Variants in PAK1 observed in about 807,000 individuals in gnomAD.
PAK1 encodes serine/threonine-protein kinase PAK 1.
PAK1 carries 29 observed loss-of-function variants against 67.4 expected under a neutral mutation model. That is an observed-to-expected ratio of 0.43 (90% CI 0.32 to 0.59). The LOEUF is 0.59. Among genes scored for constraint, PAK1 ranks in the 20% least tolerant of loss-of-function variants. The pLI is 0.07. For missense variants in PAK1, 337 were observed against 670.7 expected, an observed-to-expected ratio of 0.50 and a Z score of 5.50; for synonymous variants, 223 against 237.4, an observed-to-expected ratio of 0.94 and a Z score of 0.56.
At chr11:77,470,565 A>C (rs1957804348) in intron 1 of PAK1, among the ~76,000 whole-genome samples, 2 of 152,204 alleles carry the variant, frequency 1.3e-5, no homozygotes, top group African/African-American at 4.8e-5. Context: ...GGAAAGGAGA[A>C]AACTGGGCAT....
chr11:77,340,842 A>G (rs2048676822), intron 10 of PAK1, 79 bp from the exon 11 acceptor site: 2 of 816,684 alleles, frequency 2.4e-6, no homozygotes, highest in Non-Finnish European at 4.4e-6. Flanking sequence ...AAGGCTAAGC[A>G]TATACACAGA....
At chr11:77,332,075 C>G (rs2853097) in intron 14 of PAK1, among the ~76,000 whole-genome samples, 94,864 of 150,928 alleles carry the variant, frequency 0.63, 30,045 homozygotes, top group Non-Finnish European at 0.67. Context: ...AAGCGAAGTG[C>G]GCAGATCGCT....
intron 5 of PAK1, among the ~76,000 whole-genome samples, chr11:77,372,513 A>G (rs888659484): frequency 6.6e-6 from 1 of 152,234 alleles, no homozygotes; most frequent in Non-Finnish European, 1.5e-5. Flanking sequence ...ATGTGTAAAA[A>G]TGACTCCGAA....
chr11:77,509,804 C>G, the PAK1 span, among the ~76,000 whole-genome samples: 1 of 152,196 alleles, frequency 6.6e-6, no homozygotes, highest in Non-Finnish European at 1.5e-5. Context: ...TCACCTTACA[C>G]CATGAGTAAA....
the PAK1 span, among the ~76,000 whole-genome samples, chr11:77,493,381 C>G: frequency 6.8e-6 from 1 of 146,004 alleles, no homozygotes; most frequent in Non-Finnish European, 1.5e-5. Context: ...CAGGTTTAAG[C>G]GATTCTCGTA....
chr11:77,332,658 C>T (rs1941914391), intron 14 of PAK1, 72 bp downstream of exon 14: 1 of 1,267,246 alleles, frequency 7.9e-7, no homozygotes, highest in Non-Finnish European at 1.1e-6. Context: ...CAGTACCTTA[C>T]AAACATGAAG....
upstream of PAK1, chr11:77,474,475 A>G (rs904559031): frequency 2.6e-5 from 4 of 152,154 alleles, no homozygotes; most frequent in Admixed American, 2.0e-4. Context: ...CCTTTCTATC[A>G]GACAATTTTG....
intron 9 of PAK1, among the ~76,000 whole-genome samples, chr11:77,347,353 C>T (rs1383417706): frequency 1.3e-5 from 2 of 152,130 alleles, no homozygotes; most frequent in Non-Finnish European, 2.9e-5. Context: ...CCAAAACACA[C>T]AGGATTAGGA....
At chr11:77,344,994 A>C (rs1421817684) in intron 9 of PAK1, among the ~76,000 whole-genome samples, 4 of 152,246 alleles carry the variant, frequency 2.6e-5, no homozygotes, top group African/African-American at 9.6e-5. Context: ...CTTCATCTGG[A>C]ACAGCCTGTA....
intron 1 of PAK1, among the ~76,000 whole-genome samples, chr11:77,410,856 G>T (rs932592015): frequency 2.0e-5 from 3 of 152,140 alleles, no homozygotes; most frequent in African/African-American, 7.2e-5. Context: ...AGGTAATAAA[G>T]AAGGAAAGAA....
chr11:77,335,047 T>A (rs1942431915), intron 13 of PAK1, among the ~76,000 whole-genome samples: 1 of 152,186 alleles, frequency 6.6e-6, no homozygotes, highest in Non-Finnish European at 1.5e-5. Flanking sequence ...GGAAGCACAC[T>A]GTTCTCTTCA....
the PAK1 span, among the ~76,000 whole-genome samples, chr11:77,480,467 A>AT: frequency 6.7e-6 from 1 of 148,308 alleles, no homozygotes; most frequent in Non-Finnish European, 1.5e-5. Flanking sequence ...CTCATCTGTC[A>AT]TTTTGGAAGT....
At chr11:77,496,090 C>T in the PAK1 span, among the ~76,000 whole-genome samples, 1 of 150,338 alleles carries the variant, frequency 6.7e-6, no homozygotes, top group African/African-American at 2.5e-5. Flanking sequence ...ACCATCTCGG[C>T]TCACTGCAAC....
At chr11:77,385,558 G>A (rs75269594) in intron 2 of PAK1, among the ~76,000 whole-genome samples, 4,554 of 152,154 alleles carry the variant, frequency 0.03, 97 homozygotes, top group Non-Finnish European at 0.047. Context: ...TTCCTACAAC[G>A]ATGTTAAGAA....
At chr11:77,529,681 A>G in the PAK1 span, among the ~76,000 whole-genome samples, 3 of 152,224 alleles carry the variant, frequency 2.0e-5, no homozygotes, top group African/African-American at 4.8e-5. Context: ...CCCAGACTAC[A>G]GAATCAGGGA....
At chr11:77,492,597 G>A in the PAK1 span, among the ~76,000 whole-genome samples, 12 of 149,550 alleles carry the variant, frequency 8.0e-5, no homozygotes, top group East Asian at 5.9e-4. Context: ...CCCAGGTTGC[G>A]GTGGCACAAT....
At chr11:77,333,957 C>G (rs1942199849) in intron 13 of PAK1, among the ~76,000 whole-genome samples, 1 of 151,674 alleles carries the variant, frequency 6.6e-6, no homozygotes, top group East Asian at 1.9e-4. Context: ...GTCAGGAGTT[C>G]GAGACCATCG....
chr11:77,387,989 A>G (rs757782392), intron 2 of PAK1, among the ~76,000 whole-genome samples: 2 of 152,248 alleles, frequency 1.3e-5, no homozygotes, highest in African/African-American at 2.4e-5. Context: ...TGTATGCATT[A>G]GTTATAGCCA....
chr11:77,490,314 C>T, the PAK1 span, among the ~76,000 whole-genome samples: 2 of 148,978 alleles, frequency 1.3e-5, no homozygotes, highest in African/African-American at 5.0e-5. Flanking sequence ...CCAGCCGCCC[C>T]GTCCGGGAGG....
Sources: allele counts gnomAD v4.1 joint callset (sites outside exome capture counted in the v4.1 genomes callset), GRCh38; gene constraint gnomAD v4.1.1; transcripts MANE v1.5; gene names NCBI Gene and HGNC (gene_info 2026-07-23, HGNC 2026-07-21).